BRD1: variants seen among roughly 807,000 people sequenced by gnomAD.
BRD1 encodes the protein bromodomain containing 1.
A neutral mutation model predicts 107.7 loss-of-function variants in BRD1; 24 were observed. That is an observed-to-expected ratio of 0.22 (90% CI 0.16 to 0.31). BRD1 has a LOEUF of 0.31. Among genes scored for constraint, BRD1 ranks in the 10% least tolerant of loss-of-function variants. BRD1 has a pLI of 1.00. For synonymous variants in BRD1, 744 were observed against 686.1 expected, an observed-to-expected ratio of 1.08 and a Z score of -1.32; for missense variants, 1,279 against 1,638.6, an observed-to-expected ratio of 0.78 and a Z score of 3.79.
chr22:49,777,857 C>T, intron 8 of BRD1, 44 bp from the exon 9 acceptor site: 1 of 1,558,158 alleles, frequency 6.4e-7, no homozygotes, highest in East Asian at 2.3e-5. Context: ...ACAACCAGGG[C>T]ACACTGAAGC....
chr22:49,800,576 GC>G (rs931423544), intron 3 of BRD1, among the ~76,000 whole-genome samples: 24 of 152,166 alleles, frequency 1.6e-4, no homozygotes, highest in African/African-American at 5.3e-4. Context: ...TCACCAGGAA[GC>G]CCTTTATCAC....
At chr22:49,776,183 A>G (rs1382955950) in intron 10 of BRD1, 24 bp from the exon 11 acceptor site, 2 of 1,591,696 alleles carry the variant, frequency 1.3e-6, no homozygotes, top group African/African-American at 2.7e-5. Context: ...CGTCAGCAGG[A>G]CACAGGCGTC....
chr22:49,819,496 T>A (rs1018900042), intron 2 of BRD1, among the ~76,000 whole-genome samples: 12 of 152,102 alleles, frequency 7.9e-5, no homozygotes, highest in African/African-American at 2.9e-4. Context: ...GAGGCTGTAG[T>A]GAGCCATAAC....
intron 3 of BRD1, among the ~76,000 whole-genome samples, chr22:49,800,109 C>T (rs528047072): frequency 1.1e-3 from 160 of 152,324 alleles, no homozygotes; most frequent in Non-Finnish European, 1.8e-3. Context: ...CCTCTGTCCC[C>T]GGGTTCCCAC....
chr22:49,791,477 CTT>C (rs146682676), intron 7 of BRD1, among the ~76,000 whole-genome samples: 120 of 152,320 alleles, frequency 7.9e-4, no homozygotes, highest in African/African-American at 2.7e-3. Context: ...AGGAATTACT[CTT>C]TTCAGGTGTG....
intron 8 of BRD1, among the ~76,000 whole-genome samples, chr22:49,785,269 A>G (rs138833): frequency 0.37 from 56,711 of 152,204 alleles, 14,797 homozygotes; most frequent in African/African-American, 0.75. Context: ...CCTGGTGGAA[A>G]CCACCACGTG....
In BRD1 at chr22:49,799,100, A is replaced by G. The variant is rs371726240; in HGVS notation, c.1544T>C (p.Met515Thr). 6 of 1,608,624 alleles carry G rather than the reference A, an allele frequency of 3.7e-6. No individual in the cohort carries two copies. The highest frequency in any genetic ancestry group is 5.1e-6 in the Non-Finnish European group (6 of 1,179,860). The change falls in exon 4 of 13, where the codon ATG becomes ACG. Residue 515 changes from methionine (M) to threonine (T), a missense_variant. Met to Thr is a moderately conservative substitution (Grantham distance 81). Coordinates refer to ENST00000404760, the MANE Select transcript of BRD1 (RefSeq NM_001304808.3). Reference sequence around the variant, plus strand: ...CTTCAGCTTCTCTTTGGCAGCCTTCATCTCCTCATCATTTTCTCTCTGAGA... The same window carrying G: ...CTTCAGCTTCTCTTTGGCAGCCTTCGTCTCCTCATCATTTTCTCTCTGAGA... Reference protein sequence around the residue: ...SSQQRENDEEMKAAKEKLKYW... With the variant: ...SSQQRENDEETKAAKEKLKYW...
At chr22:49,780,002 C>T (rs2059174424) in intron 8 of BRD1, among the ~76,000 whole-genome samples, 2 of 152,128 alleles carry the variant, frequency 1.3e-5, no homozygotes, top group Admixed American at 6.5e-5. Context: ...CAGGGTGAGC[C>T]TGCTCCAGGC....
At chr22:49,790,864 C>G (rs1234824041) in intron 7 of BRD1, among the ~76,000 whole-genome samples, 15 of 152,238 alleles carry the variant, frequency 9.9e-5, no homozygotes, top group Admixed American at 9.8e-4. Context: ...CCGTGCACGG[C>G]AGGGGGACTT....
rs1194545251 is a variant in BRD1 at position 49,797,923 on chromosome 22, A to G, written c.1980T>C (p.Gly660=). Residue 660 remains glycine, a synonymous_variant, in exon 6 of 13, where the codon GGT becomes GGC. Coordinates refer to ENST00000404760, the MANE Select transcript of BRD1 (RefSeq NM_001304808.3). Reference sequence around the variant, plus strand: ...CGCGCCGGGCCTGCCTCAGAACAACACCTCCCTGATCGCGCAGCCTCACCG... The same window carrying G: ...CGCGCCGGGCCTGCCTCAGAACAACGCCTCCCTGATCGCGCAGCCTCACCG... The part of the protein sequence containing the change: ...RAAVRLRDQG[G]VVLRQARREV... 9.9e-6 allele frequency: 16 copies of G among 1,613,488 alleles called. No individual in the cohort carries two copies. Among genetic ancestry groups the G allele is most frequent in the Non-Finnish European group, 1.0e-5 (12 of 1,179,954 alleles).
At chr22:49,777,556 A>C in intron 9 of BRD1, 122 bp downstream of exon 9, 1 of 1,366,200 alleles carries the variant, frequency 7.3e-7, no homozygotes, top group Non-Finnish European at 9.9e-7. Flanking sequence ...CATGAATCCC[A>C]GGCCAGAATT....
At chr22:49,804,110 G>T in intron 3 of BRD1, 94 bp downstream of exon 3, 1 of 1,145,284 alleles carries the variant, frequency 8.7e-7, no homozygotes, top group Non-Finnish European at 1.2e-6. Flanking sequence ...TGAGCCCAGG[G>T]GGCAGCACCG....
chr22:49,804,264 G>A lies in BRD1; in HGVS notation c.1464C>T (p.Asn488=), dbSNP rs147768233. 1.1e-4 allele frequency: 178 copies of A among 1,609,946 alleles called. No homozygotes were observed. In the African/African-American group the frequency reaches 1.6e-3, roughly 14 times the overall value. The change falls in exon 3 of 13, where the codon AAC becomes AAT. Residue 488 remains asparagine, a synonymous_variant. Transcript: ENST00000404760. The stretch of plus-strand genomic sequence containing the variant: ...GCAGCCGCCGCAGCAGGGGGGCCCC[G>A]TTCCTGGACAGCCGCTTGAGCAGCC... ...SYWLLKRLSR[N]GAPLLRRLQS...
At chr22:49,775,944 T>G in intron 11 of BRD1, 106 bp downstream of exon 11, 1 of 1,007,910 alleles carries the variant, frequency 9.9e-7, no homozygotes, top group Non-Finnish European at 1.4e-6. Flanking sequence ...CCCCGCCAGC[T>G]GTGGAACCTC....
At chr22:49,786,546 G>A (rs1463763952) in intron 8 of BRD1, among the ~76,000 whole-genome samples, 1 of 152,154 alleles carries the variant, frequency 6.6e-6, no homozygotes, top group Non-Finnish European at 1.5e-5. Flanking sequence ...TGGCTAAGAG[G>A]GCCACATAAA....
At chr22:49,818,325 C>T (rs868768250) in intron 2 of BRD1, 12 of 1,274,136 alleles carry the variant, frequency 9.4e-6, no homozygotes, top group Middle Eastern at 2.2e-4. Context: ...CGACACAGGC[C>T]GTCTGCCTGC....
intron 2 of BRD1, 149 bp from the exon 3 acceptor site, chr22:49,804,509 G>A: frequency 3.4e-6 from 3 of 886,842 alleles, no homozygotes; most frequent in Non-Finnish European, 3.2e-6. Context: ...ACTATCCCTA[G>A]TGCTGCTAAA....
intron 2 of BRD1, among the ~76,000 whole-genome samples, chr22:49,809,498 G>A (rs1213092167): frequency 7.3e-5 from 11 of 149,790 alleles, no homozygotes; most frequent in Admixed American, 6.6e-4. Context: ...CCGAGATCGC[G>A]CCACTGCACT....
intron 6 of BRD1, 50 bp from the exon 7 acceptor site, chr22:49,794,344 G>A: frequency 1.3e-6 from 2 of 1,560,674 alleles, no homozygotes; most frequent in Non-Finnish European, 1.7e-6. Flanking sequence ...CGCACCTTCT[G>A]GGAACACATC....
Sources: allele counts gnomAD v4.1 joint callset (sites outside exome capture counted in the v4.1 genomes callset), GRCh38; gene constraint gnomAD v4.1.1; transcripts MANE v1.5; gene names NCBI Gene and HGNC (gene_info 2026-07-23, HGNC 2026-07-21).